Variants in MINDY4 observed in about 807,000 individuals in gnomAD.
The protein encoded by MINDY4 is MINDY lysine 48 deubiquitinase 4.
Under a neutral mutation model 87.0 loss-of-function variants are expected in MINDY4, and 68 were observed. The ratio of observed to expected loss-of-function variants is 0.78; its 90% confidence interval spans 0.64 to 0.96. The LOEUF is 0.96. MINDY4 is among the 40% of genes least tolerant of loss of function. The probability of loss-of-function intolerance (pLI) is 0.00; values close to 1 mark genes in which losing one functional copy is unlikely to be tolerated. For synonymous variants in MINDY4, 379 were observed against 363.2 expected, an observed-to-expected ratio of 1.04 and a Z score of -0.50; for missense variants, 919 against 928.2, an observed-to-expected ratio of 0.99 and a Z score of 0.13.
At chr7:30,817,621 G>T (rs1227705267) in intron 5 of MINDY4, among the ~76,000 whole-genome samples, 1 of 152,110 alleles carries the variant, frequency 6.6e-6, no homozygotes, top group Non-Finnish European at 1.5e-5. Flanking sequence ...GTGCTTGCAG[G>T]TGGGGAGGGG....
At chr7:30,776,682 C>A (rs1786827942) in intron 1 of MINDY4, among the ~76,000 whole-genome samples, 1 of 152,208 alleles carries the variant, frequency 6.6e-6, no homozygotes, top group Non-Finnish European at 1.5e-5. Flanking sequence ...TGATGCTGAA[C>A]AAATAGCTGG....
rs554356091 is a variant in MINDY4 at position 30,850,597 on chromosome 7, G to T, written c.1547+42G>T. The T allele has an allele frequency of 1.6e-5, 24 of 1,539,128 alleles. No individual in the cohort carries two copies. The African/African-American group carries it at 3.1e-4, about 20-fold the overall frequency. ...TCTGTGTTGCCGTGGCTCATCGTCT[G>T]CTGGCAGCTGCCGGCAAGCTGGCTG... On this transcript the variant is annotated intron_variant, in intron 10 of 17. Coordinates refer to ENST00000265299, the MANE Select transcript of MINDY4 (RefSeq NM_032222.3).
At chr7:30,807,080 A>G (rs1470063806) in intron 5 of MINDY4, among the ~76,000 whole-genome samples, 1 of 152,250 alleles carries the variant, frequency 6.6e-6, no homozygotes, top group Non-Finnish European at 1.5e-5. Flanking sequence ...ATGAGAAGAA[A>G]AGGAAATCAT....
At chr7:30,862,524 G>A (rs1377125614) in intron 13 of MINDY4, among the ~76,000 whole-genome samples, 9 of 152,228 alleles carry the variant, frequency 5.9e-5, no homozygotes, top group Admixed American at 5.9e-4. Context: ...CTCTGCTGAA[G>A]GTTTGCGGTG....
intron 17 of MINDY4, among the ~76,000 whole-genome samples, chr7:30,891,216 G>A (rs972875238): frequency 3.3e-5 from 5 of 152,100 alleles, no homozygotes; most frequent in Non-Finnish European, 7.4e-5. Flanking sequence ...CAGATTTTAC[G>A]TAAACACTCC....
intron 12 of MINDY4, among the ~76,000 whole-genome samples, chr7:30,855,971 C>T (rs927942825): frequency 1.3e-5 from 2 of 152,258 alleles, no homozygotes; most frequent in South Asian, 2.1e-4. Flanking sequence ...AGGGGTTCCT[C>T]GTGCCAGGCC....
chr7:30,883,195 A>T (rs963927349), intron 17 of MINDY4, among the ~76,000 whole-genome samples: 8 of 152,068 alleles, frequency 5.3e-5, no homozygotes, highest in Admixed American at 5.2e-4. Context: ...TGCAGTGGTG[A>T]TGCGTCTTTA....
chr7:30,793,989 A>G (rs980501507), intron 5 of MINDY4, among the ~76,000 whole-genome samples: 2 of 152,156 alleles, frequency 1.3e-5, no homozygotes, highest in Admixed American at 6.5e-5. Flanking sequence ...CAGAGAATCC[A>G]AGGAACCTGA....
chr7:30,850,654 C>T, intron 10 of MINDY4, 99 bp downstream of exon 10: 1 of 1,073,762 alleles, frequency 9.3e-7, no homozygotes, highest in Non-Finnish European at 1.4e-6. Context: ...CCTTCCGTTA[C>T]CCACCCTGTG....
intron 6 of MINDY4, among the ~76,000 whole-genome samples, chr7:30,833,061 C>T (rs2128564229): frequency 6.6e-6 from 1 of 152,230 alleles, no homozygotes; most frequent in Middle Eastern, 3.4e-3. Flanking sequence ...ACTTTCTCTA[C>T]CCAGCACCAT....
At chr7:30,856,875 ATCAGCATTAC>A (rs1789588796) in intron 12 of MINDY4, among the ~76,000 whole-genome samples, 1 of 152,038 alleles carries the variant, frequency 6.6e-6, no homozygotes, top group Non-Finnish European at 1.5e-5. Flanking sequence ...AGGGGGAGAC[ATCAGCATTAC>A]TCTTTGCCAT....
chr7:30,882,266 C>A lies in MINDY4; in HGVS notation c.2057C>A (p.Pro686Gln). The part of the protein sequence containing the change: ...SHFSILFSLQ[P>Q]GLLRDWRTER... ...TTCAGCATCCTCTTTAGCCTGCAGC[C>A]GGGGCTCCTGCGTGACTGGAGGACT... The change falls in exon 16 of 18, where the codon CCG becomes CAG. Residue 686 changes from proline to glutamine, a missense_variant. Transcript: ENST00000265299. 5 of 1,613,952 alleles carry A rather than the reference C, an allele frequency of 3.1e-6. No homozygotes were observed. Among genetic ancestry groups the A allele is most frequent in the Non-Finnish European group, 4.2e-6 (5 of 1,179,888 alleles).
intron 1 of MINDY4, among the ~76,000 whole-genome samples, chr7:30,777,441 C>T (rs1786858677): frequency 6.6e-6 from 1 of 152,194 alleles, no homozygotes; most frequent in Admixed American, 6.5e-5. Flanking sequence ...CACCTTTTTT[C>T]TGACCCATAT....
At chr7:30,822,621 T>TA (rs367707422) in intron 5 of MINDY4, among the ~76,000 whole-genome samples, 24,096 of 147,642 alleles carry the variant, frequency 0.16, 2,609 homozygotes, top group East Asian at 0.4. Context: ...TTGACGTGCC[T>TA]GTCTATTTTA....
chr7:30,834,498 G>A (rs1225926115), intron 6 of MINDY4, among the ~76,000 whole-genome samples: 1 of 152,246 alleles, frequency 6.6e-6, no homozygotes, highest in Admixed American at 6.5e-5. Flanking sequence ...CTCCGGGTCT[G>A]TGATGGGAGG....
rs141125214 is a variant in MINDY4 at position 30,789,060 on chromosome 7, A to C, written c.664-2105A>C. 9.2e-3 allele frequency among the ~76,000 whole-genome samples: 1,408 copies of C among 152,266 alleles called. 24 individuals are homozygous for C. The highest frequency in any genetic ancestry group is 0.032 in the African/African-American group (1,317 of 41,544). On this transcript the variant is annotated intron_variant, in intron 4 of 17. Coordinates refer to ENST00000265299, the MANE Select transcript of MINDY4 (RefSeq NM_032222.3). ...CACTGTTGCTTTGTGCACAAAGTCA[A>C]CACAGTGGAAAAAGGCAAATTGTGT...
intron 6 of MINDY4, among the ~76,000 whole-genome samples, chr7:30,834,866 G>A (rs191414386): frequency 6.6e-4 from 101 of 152,290 alleles, no homozygotes; most frequent in African/African-American, 2.3e-3. Flanking sequence ...CACAACAAGA[G>A]TCACCTTTGC....
Position 30,850,444 on chromosome 7 carries a change from T to C in MINDY4, c.1446-10T>C. ...CATGGGCATAAATGCCTTCCTTTTC[T>C]TGTCCGCAGGGGACTGCAGCCTTCA... is the stretch of plus-strand genomic sequence containing the variant. On this transcript the variant is annotated splice_polypyrimidine_tract_variant and intron_variant, in intron 9 of 17. Transcript: ENST00000265299. 1.9e-6 allele frequency: 3 copies of C among 1,607,974 alleles called. No homozygotes were observed. Among genetic ancestry groups the C allele is most frequent in the Non-Finnish European group, 2.5e-6 (3 of 1,177,196 alleles).
intron 5 of MINDY4, among the ~76,000 whole-genome samples, chr7:30,802,469 A>T (rs1041868028): frequency 3.3e-5 from 5 of 152,102 alleles, no homozygotes; most frequent in Non-Finnish European, 5.9e-5. Flanking sequence ...ATGATTTGAT[A>T]ACTCATATTT....
Sources: allele counts gnomAD v4.1 joint callset (sites outside exome capture counted in the v4.1 genomes callset), GRCh38; gene constraint gnomAD v4.1.1; transcripts MANE v1.5; gene names NCBI Gene and HGNC (gene_info 2026-07-23, HGNC 2026-07-21).